FADS3: variants seen among roughly 807,000 people sequenced by gnomAD.
The protein encoded by FADS3 is fatty acid desaturase 3.
Under a neutral mutation model 60.4 loss-of-function variants are expected in FADS3, and 30 were observed. The observed-to-expected ratio is 0.50, with a 90% CI of 0.37 to 0.67. FADS3 has a LOEUF of 0.67. FADS3 is among the 30% of genes least tolerant of loss of function. The probability of loss-of-function intolerance (pLI) is 0.00; values close to 1 mark genes in which losing one functional copy is unlikely to be tolerated. For synonymous variants in FADS3, 234 were observed against 249.3 expected (o/e 0.94, Z 0.58); for missense variants, 432 against 598.3 (o/e 0.72, Z 2.90).
rs149986708 is a variant in FADS3 at position 61,883,581 on chromosome 11, T to C, written c.214-3430A>G. The stretch of plus-strand genomic sequence containing the variant: ...GCCTTGCACACATGGTACGCAAAGA[T>C]GCAGCTGGCACGCACAGACACACCC... On this transcript the variant is annotated intron_variant, in intron 1 of 11. Transcript: ENST00000278829. Among the ~76,000 whole-genome samples, 433 of 152,286 alleles carry C rather than the reference T, an allele frequency of 2.8e-3. 1 individual carries two copies. Among genetic ancestry groups the C allele is most frequent in the African/African-American group, 9.8e-3 (409 of 41,548 alleles).
chr11:61,891,271 C>T lies in FADS3; in HGVS notation c.111G>A (p.Lys37=). Residue 37 remains lysine, a synonymous_variant, in exon 1 of 12, where the codon AAG becomes AAA. Transcript: ENST00000278829. ...QIRAHDQPGD[K]WLVIERRVYD... is the part of the protein sequence containing the mutation. ...AGACGCGGCGCTCGATGACCAGCCA[C>T]TTGTCGCCGGGCTGGTCGTGCGCGC... is the stretch of plus-strand genomic sequence containing the variant. 6.5e-7 allele frequency: 1 copy of T among 1,539,800 alleles called. No individual in the cohort carries two copies. Among genetic ancestry groups the T allele is most frequent in the East Asian group, 2.4e-5 (1 of 40,988 alleles).
Position 61,876,190 on chromosome 11 carries a change from G to C in FADS3, c.1081C>G (p.Leu361Val). 6.3e-7 allele frequency: 1 copy of C among 1,596,926 alleles called. No homozygotes were observed. Among genetic ancestry groups the C allele is most frequent in the South Asian group, 1.1e-5 (1 of 89,250 alleles). ...GGCTCCACGTTGCAGGTGGCTGCCA[G>C]CTGCCGGAAGCCGGCGGGGCACATG... ...EKHRDWVSSQ[L>V]AATCNVEPSL... Residue 361 changes from leucine (L) to valine (V), a missense_variant and splice_region_variant, in exon 10 of 12, where the codon CTG (leucine) becomes GTG (valine). Coordinates refer to ENST00000278829, the MANE Select transcript of FADS3 (RefSeq NM_021727.5). The surrounding 1 kb of genome is among the most constrained non-coding windows in gnomAD (Gnocchi z 5.7).
At position 61,878,144 on chromosome 11, in the gene FADS3, T is replaced by G; in HGVS notation, c.808+11A>C. 2 of 1,613,160 alleles carry G rather than the reference T, an allele frequency of 1.2e-6. No homozygotes were observed. Among genetic ancestry groups the G allele is most frequent in the Non-Finnish European group, 1.7e-6 (2 of 1,179,228 alleles). On this transcript the variant is annotated intron_variant, in intron 6 of 11. Coordinates refer to ENST00000278829, the MANE Select transcript of FADS3 (RefSeq NM_021727.5). ...CACTCCCCCACCCCAGAAGGACAGA[T>G]GGACACTCACTCAGGAAGAAGTACA...
At chr11:61,880,225 C>A in intron 1 of FADS3, 74 bp from the exon 2 acceptor site, 1 of 1,233,210 alleles carries the variant, frequency 8.1e-7, no homozygotes, top group South Asian at 1.3e-5. Context: ...CAGAGACAGG[C>A]GGAAGGACTA....
At chr11:61,891,027 A>C (rs1938486846) in intron 1 of FADS3, 142 bp downstream of exon 1, 1 of 755,614 alleles carries the variant, frequency 1.3e-6, no homozygotes, top group Non-Finnish European at 2.2e-6. Context: ...AGTCCACCCC[A>C]ACTCTGGGTC....
At chr11:61,878,482 C>A (rs1282384560) in intron 5 of FADS3, 30 bp downstream of exon 5, 2 of 1,608,334 alleles carry the variant, frequency 1.2e-6, no homozygotes, top group African/African-American at 2.7e-5. Context: ...CAGGCCCAGC[C>A]AGAGGTTGTC....
Position 61,876,910 on chromosome 11 carries a change from G to T in FADS3, c.939C>A (p.Pro313=). The T allele has an allele frequency of 6.2e-7, 1 of 1,611,088 alleles. No individual in the cohort carries two copies. The highest frequency in any genetic ancestry group is 1.1e-5 in the South Asian group (1 of 90,330). The change falls in exon 8 of 12, where the codon CCC becomes CCA. Residue 313 remains proline (P), a synonymous_variant. Coordinates refer to ENST00000278829, the MANE Select transcript of FADS3 (RefSeq NM_021727.5). This position sits in a 1 kb window ranked among gnomAD's most constrained non-coding sequence, Gnocchi z 5.7. ...FYARFFLSYL[P]FYGVPGVLLF... ...GCAGCACCCCAGGGACGCCGTAGAA[G>T]GGGAGGTAGGATAAGAAGAAGCGGG...
rs1412640639 is a variant in FADS3, at chr11:61,876,765, C to G, written c.983+101G>C. 2.1e-6 allele frequency: 2 copies of G among 947,556 alleles called. No individual in the cohort carries two copies. The highest frequency in any genetic ancestry group is 3.3e-6 in the Non-Finnish European group (2 of 600,364). 58.7% of individuals were successfully genotyped at this position (947,556 alleles called of 1,614,324 possible). On this transcript the variant is annotated intron_variant, in intron 8 of 11. Transcript: ENST00000278829. The surrounding 1 kb of genome is among the most constrained non-coding windows in gnomAD (Gnocchi z 5.7). ...CACCAGCAAGCCAGGGAGGCAGTACCACTGGCCCCATTCTGCAGACGGGAA... is the reference window on the plus strand; with the variant it reads ...CACCAGCAAGCCAGGGAGGCAGTACGACTGGCCCCATTCTGCAGACGGGAA...
At chr11:61,890,751 G>A (rs201883013) in intron 1 of FADS3, among the ~76,000 whole-genome samples, 1 of 147,924 alleles carries the variant, frequency 6.8e-6, no homozygotes, top group South Asian at 2.1e-4. Context: ...GGCCGGCCCA[G>A]CCCCCAGCCT....
rs1591195325 is a variant in FADS3, at chr11:61,880,363, G to A, written c.214-212C>T. The A allele has an allele frequency of 8.9e-6, 4 of 448,678 alleles. No individual in the cohort carries two copies. The East Asian group carries it at 1.1e-4, about 12-fold the overall frequency. 27.8% of individuals were successfully genotyped at this position (448,678 alleles called of 1,614,324 possible). A position where few individuals can be genotyped will look rare whatever the true frequency, so the allele number is the denominator to read the frequency against. ...TCCTGCTTTTCACCCATTGCCTGCTGTGCCCCATCCACTTCACCCAGCACA... is the reference window on the plus strand; with the variant it reads ...TCCTGCTTTTCACCCATTGCCTGCTATGCCCCATCCACTTCACCCAGCACA... On this transcript the variant is annotated intron_variant, in intron 1 of 11. Coordinates refer to ENST00000278829, the MANE Select transcript of FADS3 (RefSeq NM_021727.5).
Position 61,878,806 on chromosome 11 carries a change from G to A in FADS3, c.564C>T (p.Ser188=). The part of the protein sequence containing the change: ...WCLQHDLGHA[S]IFKKSWWNHV... ...GGTTCCACCAGGACTTCTTGAAGAT[G>A]GAGGCATGGCCCAGGTCATGCTGCA... Residue 188 remains serine (S), a synonymous_variant, in exon 4 of 12, where the codon TCC becomes TCT. Transcript: ENST00000278829. 6.2e-7 allele frequency: 1 copy of A among 1,614,192 alleles called. No individual in the cohort carries two copies. The highest frequency in any genetic ancestry group is 8.5e-7 in the Non-Finnish European group (1 of 1,180,030).
chr11:61,876,251 C>T lies in FADS3; in HGVS notation c.1081-61G>A, dbSNP rs1163605441. 1 of 1,571,852 alleles carries T rather than the reference C, an allele frequency of 6.4e-7. No individual in the cohort carries two copies. Among genetic ancestry groups the T allele is most frequent in the African/African-American group, 1.4e-5 (1 of 74,022 alleles). The stretch of plus-strand genomic sequence containing the variant: ...GTTGCAGATCCCTGACCCCACGGCA[C>T]CATCCCCCACCTGGCAGCCCCGTCA... On this transcript the variant is annotated intron_variant, in intron 9 of 11. Transcript: ENST00000278829. The surrounding 1 kb of genome is among the most constrained non-coding windows in gnomAD (Gnocchi z 5.7).
chr11:61,880,845 G>T (rs553672278), intron 1 of FADS3: 1 of 152,068 alleles, frequency 6.6e-6, no homozygotes, highest in Non-Finnish European at 1.5e-5. Context: ...TACCTCCTGG[G>T]TTCAAGCAAT....
intron 11 of FADS3, among the ~76,000 whole-genome samples, chr11:61,874,776 C>A (rs1937806203): frequency 6.6e-6 from 1 of 152,184 alleles, no homozygotes; most frequent in Admixed American, 6.5e-5. Context: ...ATACTGCCCA[C>A]CCTACCACCT....
chr11:61,880,104 G>A lies in FADS3; in HGVS notation c.261C>T (p.Phe87=). The A allele has an allele frequency of 6.2e-7, 1 of 1,614,178 alleles. No homozygotes were observed. Among genetic ancestry groups the A allele is most frequent in the Non-Finnish European group, 8.5e-7 (1 of 1,179,998 alleles). ...GCTCTCCAATCAACAGGGGCTGTAG[G>A]AACTTGCGCACAAAATTGAGATCTT... ...FHQDLNFVRK[F]LQPLLIGELA... Residue 87 remains phenylalanine (F), a synonymous_variant, in exon 2 of 12, where the codon TTC becomes TTT. Coordinates refer to ENST00000278829, the MANE Select transcript of FADS3 (RefSeq NM_021727.5).
rs183699473 is a variant in FADS3 at position 61,878,230 on chromosome 11, G to A, written c.748-15C>T. ...TTCTTGCCATACTGTGGAGACAGGCGGCGGCTGGAGACAGCAGCTCTCCAG... is the reference window on the plus strand; with the variant it reads ...TTCTTGCCATACTGTGGAGACAGGCAGCGGCTGGAGACAGCAGCTCTCCAG... On this transcript the variant is annotated splice_polypyrimidine_tract_variant and intron_variant, in intron 5 of 11. Coordinates refer to ENST00000278829, the MANE Select transcript of FADS3 (RefSeq NM_021727.5). 29 of 1,613,830 alleles carry A rather than the reference G, an allele frequency of 1.8e-5. No homozygotes were observed. The highest frequency in any genetic ancestry group is 2.7e-5 in the African/African-American group (2 of 75,052).
intron 1 of FADS3, among the ~76,000 whole-genome samples, chr11:61,884,353 A>C (rs1938237523): frequency 6.6e-6 from 1 of 152,296 alleles, no homozygotes; most frequent in South Asian, 2.1e-4. Context: ...ACAAATGCCT[A>C]ATGTATATGG....
rs1360959425 is a variant in FADS3 at position 61,891,544 on chromosome 11, T to C, written c.-163A>G. 8.3e-6 allele frequency: 3 copies of C among 363,118 alleles called. No individual in the cohort carries two copies. Among genetic ancestry groups the C allele is most frequent in the Admixed American group, 1.0e-4 (2 of 19,594 alleles). The allele number at this position is 363,118 out of a possible 1,614,324, so 22.5% of individuals were successfully genotyped here. A position where few individuals can be genotyped will look rare whatever the true frequency, so the allele number is the denominator to read the frequency against. On this transcript the variant is annotated 5_prime_UTR_variant, in exon 1 of 12. Transcript: ENST00000278829. Reference sequence around the variant, plus strand: ...TACGAGCGAGCGTGCGCCTCCCGGCTCGCGGCGCAGGGAACTCCCCGCCTT... The same window carrying C: ...TACGAGCGAGCGTGCGCCTCCCGGCCCGCGGCGCAGGGAACTCCCCGCCTT...
intron 1 of FADS3, among the ~76,000 whole-genome samples, chr11:61,889,837 A>T (rs921130172): frequency 3.3e-5 from 5 of 152,206 alleles, no homozygotes; most frequent in African/African-American, 1.2e-4. Context: ...CTCTATTTTT[A>T]AACAAATAAT....
Sources: gnomAD v4.1 joint callset for allele counts (sites outside exome capture counted in the v4.1 genomes callset) on GRCh38, gnomAD v4.1.1 for gene constraint, Gnocchi (gnomAD v3.1) non-coding constraint, MANE v1.5 for transcripts, NCBI Gene and HGNC (gene_info 2026-07-23, HGNC 2026-07-21) for gene names.